NBEA: variants seen among roughly 807,000 people sequenced by gnomAD.
The protein encoded by NBEA is lysosomal-trafficking regulator 2.
In NBEA, 44 loss-of-function variants were observed where a neutral mutation model predicts 343.4. The observed-to-expected ratio is 0.13, with a 90% CI of 0.10 to 0.16. The LOEUF is 0.16. Ranked by LOEUF, NBEA falls within the 10% of genes least tolerant of loss-of-function variation. NBEA has a pLI of 1.00. For missense variants in NBEA, 2,555 were observed against 3,631.3 expected, an observed-to-expected ratio of 0.70 and a Z score of 7.62; for synonymous variants, 1,175 against 1,238.7, an observed-to-expected ratio of 0.95 and a Z score of 1.08.
chr13:35,097,172 G>T (rs2065379118), intron 10 of NBEA, among the ~76,000 whole-genome samples: 1 of 151,760 alleles, frequency 6.6e-6, no homozygotes, highest in South Asian at 2.1e-4. Flanking sequence ...GCCACATTAT[G>T]AGAAAAATGT....
intron 55 of NBEA, among the ~76,000 whole-genome samples, chr13:35,657,672 G>A (rs2084882512): frequency 6.6e-6 from 1 of 152,082 alleles, no homozygotes; most frequent in Admixed American, 6.5e-5. Flanking sequence ...CCATAATAGT[G>A]TAGCATTTCT....
At chr13:35,476,296 CCTGCTG>C (rs56240021) in intron 41 of NBEA, 34,093 of 953,548 alleles carry the variant, frequency 0.036, 1,506 homozygotes, top group East Asian at 0.32. Flanking sequence ...CGTTGGTTTC[CCTGCTG>C]CTGCTGCTGC....
intron 45 of NBEA, among the ~76,000 whole-genome samples, chr13:35,579,838 T>C (rs2080928310): frequency 6.6e-6 from 1 of 152,124 alleles, no homozygotes; most frequent in African/African-American, 2.4e-5. Context: ...CACTGAAGTT[T>C]GAGACAGATT....
chr13:35,346,271 C>T (rs2039868529), intron 36 of NBEA, among the ~76,000 whole-genome samples: 1 of 152,142 alleles, frequency 6.6e-6, no homozygotes, highest in Non-Finnish European at 1.5e-5. Flanking sequence ...CTAATTTGCA[C>T]ATATTAGATT....
At chr13:35,325,407 A>G (rs1257449334) in intron 36 of NBEA, among the ~76,000 whole-genome samples, 1 of 152,000 alleles carries the variant, frequency 6.6e-6, no homozygotes, top group Non-Finnish European at 1.5e-5. Flanking sequence ...CATCAGGGTA[A>G]ATGGGGATGA....
chr13:34,987,961 G>T lies in NBEA; in HGVS notation c.294+44847G>T, dbSNP rs898792425. Among the ~76,000 whole-genome samples, 13 of 150,894 alleles carry T rather than the reference G, an allele frequency of 8.6e-5. 1 individual carries two copies. Among genetic ancestry groups the T allele is most frequent in the African/African-American group, 2.4e-4 (10 of 41,350 alleles). ...GAACATCCTCCTTTAGCTCGGAGAT[G>T]TTTGTTATTACTGACCTTCTGAAGC... On this transcript the variant is annotated intron_variant, in intron 1 of 58. Transcript: ENST00000379939.
At chr13:35,393,441 T>C (rs549767166) in intron 38 of NBEA, among the ~76,000 whole-genome samples, 1 of 152,254 alleles carries the variant, frequency 6.6e-6, no homozygotes, top group East Asian at 1.9e-4. Context: ...ACATTTAAAT[T>C]AATATCCTTT....
intron 33 of NBEA, among the ~76,000 whole-genome samples, chr13:35,231,019 A>T (rs1593850360): frequency 6.6e-6 from 1 of 152,090 alleles, no homozygotes; most frequent in African/African-American, 2.4e-5. Context: ...AGGGGAGACT[A>T]TTGAAATCTC....
At chr13:35,011,554 TG>T (rs2061494728) in intron 1 of NBEA, among the ~76,000 whole-genome samples, 1 of 152,214 alleles carries the variant, frequency 6.6e-6, no homozygotes, top group Admixed American at 6.5e-5. Context: ...CATATAAATA[TG>T]ACATTCAAAT....
chr13:35,062,697 C>G (rs2063509387), intron 8 of NBEA, among the ~76,000 whole-genome samples: 1 of 151,696 alleles, frequency 6.6e-6, no homozygotes, highest in Non-Finnish European at 1.5e-5. Flanking sequence ...CCTTAAAGTT[C>G]TGAAAGGAAG....
intron 1 of NBEA, among the ~76,000 whole-genome samples, chr13:34,962,154 T>C (rs1000024362): frequency 6.6e-5 from 10 of 152,040 alleles, no homozygotes; most frequent in Non-Finnish European, 1.0e-4. Context: ...TTTTATTGGC[T>C]ATCAGTGGTC....
chr13:35,506,053 T>C (rs1030094205), intron 41 of NBEA, among the ~76,000 whole-genome samples: 4 of 152,126 alleles, frequency 2.6e-5, no homozygotes, highest in Non-Finnish European at 5.9e-5. Flanking sequence ...ACTTCATCTA[T>C]TAAATTTATT....
chr13:35,121,574 T>A (rs574391441), intron 16 of NBEA, among the ~76,000 whole-genome samples: 4 of 152,072 alleles, frequency 2.6e-5, no homozygotes, highest in South Asian at 2.1e-4. Flanking sequence ...GAAAATGGAT[T>A]TCAGTGTAAA....
intron 41 of NBEA, among the ~76,000 whole-genome samples, chr13:35,528,491 A>G (rs767412271): frequency 5.9e-5 from 9 of 152,250 alleles, no homozygotes; most frequent in Non-Finnish European, 1.2e-4. Context: ...ATGAATATTT[A>G]CTGTATTGGG....
rs1168495456 is a variant in NBEA, at chr13:35,403,317, G to C, written c.6180-28952G>C. ...CAAACACTATTATAAGTACTATAGG[G>C]TTGCAAAGCTGCATGAGGTGAATAT... On this transcript the variant is annotated intron_variant, in intron 38 of 58. Transcript: ENST00000379939. Among the ~76,000 whole-genome samples, 5 of 151,972 alleles carry C rather than the reference G, an allele frequency of 3.3e-5. No homozygotes were observed. In the East Asian group the frequency reaches 9.7e-4, roughly 29 times the overall value.
At chr13:35,641,518 T>A (rs2083946660) in intron 49 of NBEA, among the ~76,000 whole-genome samples, 1 of 152,060 alleles carries the variant, frequency 6.6e-6, no homozygotes, top group South Asian at 2.1e-4. Flanking sequence ...TACCGATACA[T>A]ACAACAAGGT....
chr13:35,109,564 C>G (rs2066082308), intron 12 of NBEA, 122 bp downstream of exon 12: 3 of 912,684 alleles, frequency 3.3e-6, no homozygotes, highest in Non-Finnish European at 4.5e-6. Context: ...TAATCTGTGG[C>G]AATTGTGTTA....
intron 38 of NBEA, among the ~76,000 whole-genome samples, chr13:35,355,916 A>G (rs1283202149): frequency 6.6e-6 from 1 of 151,584 alleles, no homozygotes; most frequent in Non-Finnish European, 1.5e-5. Context: ...AACATCTATT[A>G]CTTTGATACT....
At chr13:35,490,872 A>G (rs1219423217) in intron 41 of NBEA, among the ~76,000 whole-genome samples, 2 of 151,938 alleles carry the variant, frequency 1.3e-5, no homozygotes, top group Non-Finnish European at 2.9e-5. Flanking sequence ...AGCAGAGTTA[A>G]GATTTTCATC....
Sources: allele counts gnomAD v4.1 joint callset (sites outside exome capture counted in the v4.1 genomes callset), GRCh38; gene constraint gnomAD v4.1.1; transcripts MANE v1.5; gene names NCBI Gene and HGNC (gene_info 2026-07-23, HGNC 2026-07-21).